PNLIPRP3: variants seen among roughly 807,000 people sequenced by gnomAD.
The protein encoded by PNLIPRP3 is pancreatic lipase-related protein 3.
In PNLIPRP3, 58 loss-of-function variants were observed where a neutral mutation model predicts 52.8. That is an observed-to-expected ratio of 1.10 (90% CI 0.89 to 1.37). The LOEUF (loss-of-function observed/expected upper bound fraction) is 1.37, where lower values mean the gene tolerates loss of function less well. PNLIPRP3 is among the 40% of genes most tolerant of loss of function. PNLIPRP3 has a pLI of 0.00. For synonymous variants in PNLIPRP3, 192 were observed against 185.0 expected (o/e 1.04, Z -0.31); for missense variants, 593 against 561.6 (o/e 1.06, Z -0.57).
At chr10:116,470,512 TAA>T (rs1846351944) in intron 9 of PNLIPRP3, among the ~76,000 whole-genome samples, 1 of 48,598 alleles carries the variant, frequency 2.1e-5, no homozygotes, top group Non-Finnish European at 4.1e-5. Context: ...TATATATATA[TAA>T]TTTTTTTTTT....
chr10:116,455,782 C>T lies in PNLIPRP3; in HGVS notation c.517C>T (p.Leu173=), dbSNP rs144686516. The change falls in exon 5 of 12, where the codon CTG becomes TTG. Residue 173 remains leucine, a synonymous_variant. Coordinates refer to ENST00000369230, the MANE Select transcript of PNLIPRP3 (RefSeq NM_001011709.3). ...GATTGGCCACAGCTTGGGAGCACAC[C>T]TGGCTGGGGAAGCTGGGTCAAGGAT... is the stretch of plus-strand genomic sequence containing the variant. The part of the protein sequence containing the change: ...HLIGHSLGAH[L]AGEAGSRIPG... 3.3e-4 allele frequency: 540 copies of T among 1,613,722 alleles called. 1 individual carries two copies. Among genetic ancestry groups the T allele is most frequent in the Non-Finnish European group, 4.3e-4 (513 of 1,179,840 alleles).
chr10:116,471,481 C>G (rs1160004893), intron 9 of PNLIPRP3, among the ~76,000 whole-genome samples: 3 of 152,038 alleles, frequency 2.0e-5, no homozygotes, highest in Admixed American at 1.3e-4. Context: ...CACAGGACTT[C>G]CATTTTTAAA....
chr10:116,428,173 T>A, intron 1 of PNLIPRP3, 112 bp downstream of exon 1: 1 of 760,024 alleles, frequency 1.3e-6, no homozygotes, highest in Non-Finnish European at 2.1e-6. Flanking sequence ...ATTTCATTCT[T>A]AAGTAGTTTA....
chr10:116,461,868 G>T (rs149023820), intron 7 of PNLIPRP3, among the ~76,000 whole-genome samples: 1 of 152,148 alleles, frequency 6.6e-6, no homozygotes, highest in Admixed American at 6.5e-5. Flanking sequence ...AGGCCAACAG[G>T]GGGAAGCAAG....
chr10:116,467,916 G>C (rs942066663), intron 8 of PNLIPRP3, among the ~76,000 whole-genome samples: 2 of 151,916 alleles, frequency 1.3e-5, no homozygotes, highest in East Asian at 1.9e-4. Flanking sequence ...ACTAGGTCAG[G>C]AGATCGAGAC....
At chr10:116,447,052 G>A (rs762241932) in intron 4 of PNLIPRP3, among the ~76,000 whole-genome samples, 20 of 152,138 alleles carry the variant, frequency 1.3e-4, no homozygotes, top group Non-Finnish European at 2.2e-4. Context: ...AGTCACTATA[G>A]CCCCTTCCCC....
chr10:116,436,729 A>G lies in PNLIPRP3; in HGVS notation c.68A>G (p.Glu23Gly). The change falls in exon 2 of 12, where the codon GAA (glutamate) becomes GGA (glycine). Residue 23 changes from glutamate to glycine, a missense_variant. Transcript: ENST00000369230. ...GCTGCAGGAAAAGAAGTTTGCTATG[A>G]AAGGTTAGGGTGTTTCAAAGATGGT... is the stretch of plus-strand genomic sequence containing the variant. ...GTSRGKEVCY[E>G]RLGCFKDGLP... 3 of 1,609,426 alleles carry G rather than the reference A, an allele frequency of 1.9e-6. No individual in the cohort carries two copies. The highest frequency in any genetic ancestry group is 2.2e-5 in the South Asian group (2 of 90,330).
At chr10:116,440,333 G>A (rs1845840357) in intron 2 of PNLIPRP3, among the ~76,000 whole-genome samples, 1 of 152,122 alleles carries the variant, frequency 6.6e-6, no homozygotes, top group African/African-American at 2.4e-5. Flanking sequence ...TACTGCCAAT[G>A]AAGAGAAAAT....
intron 4 of PNLIPRP3, among the ~76,000 whole-genome samples, chr10:116,454,716 T>C (rs1307610176): frequency 6.6e-6 from 1 of 152,238 alleles, no homozygotes; most frequent in African/African-American, 2.4e-5. Flanking sequence ...ATGTCTTCCA[T>C]GTTGTCACAA....
intron 2 of PNLIPRP3, among the ~76,000 whole-genome samples, chr10:116,441,250 G>A (rs1430755011): frequency 2.0e-5 from 3 of 152,140 alleles, no homozygotes; most frequent in East Asian, 1.9e-4. Flanking sequence ...CAGCATACCT[G>A]GATGGAAAAC....
At chr10:116,447,474 C>T (rs952062637) in intron 4 of PNLIPRP3, among the ~76,000 whole-genome samples, 1 of 152,022 alleles carries the variant, frequency 6.6e-6, no homozygotes, top group East Asian at 1.9e-4. Flanking sequence ...AGAAACTAAC[C>T]CTAATGAAAC....
At chr10:116,439,488 C>T in intron 2 of PNLIPRP3, 1 of 724,766 alleles carries the variant, frequency 1.4e-6, no homozygotes, top group Non-Finnish European at 2.5e-6. Flanking sequence ...TTCTTCCTCC[C>T]CGTCTTCTTC....
chr10:116,429,599 A>T (rs1027571725), intron 1 of PNLIPRP3, among the ~76,000 whole-genome samples: 1 of 152,218 alleles, frequency 6.6e-6, no homozygotes, highest in African/African-American at 2.4e-5. Context: ...TGGATAAAAA[A>T]TGAAGGAGAT....
chr10:116,470,421 G>C (rs1258885997), intron 9 of PNLIPRP3, among the ~76,000 whole-genome samples: 1 of 151,930 alleles, frequency 6.6e-6, no homozygotes, highest in Non-Finnish European at 1.5e-5. Flanking sequence ...AGAGAAGGAA[G>C]ACCAGCAAAG....
At chr10:116,460,941 C>A in intron 5 of PNLIPRP3, 25 bp from the exon 6 acceptor site, 1 of 1,608,362 alleles carries the variant, frequency 6.2e-7, no homozygotes, top group Non-Finnish European at 8.5e-7. Flanking sequence ...TTCCATAGAA[C>A]ATGTCTTGGT....
chr10:116,477,924 T>A lies in PNLIPRP3; in HGVS notation c.*771T>A, dbSNP rs369546503. 3.3e-5 allele frequency: 5 copies of A among 152,334 alleles called. No individual in the cohort carries two copies. The East Asian group carries it at 7.7e-4, about 24-fold the overall frequency. 9.4% of individuals were successfully genotyped at this position (152,334 alleles called of 1,614,324 possible). ...ATTTGTAAAGCACTTGGGTAACCCTTTGTTCTTGCAATAACAATATTATAA... is the reference window on the plus strand; with the variant it reads ...ATTTGTAAAGCACTTGGGTAACCCTATGTTCTTGCAATAACAATATTATAA... On this transcript the variant is annotated 3_prime_UTR_variant, in exon 12 of 12. Transcript: ENST00000369230.
chr10:116,430,290 G>A (rs915884535), intron 1 of PNLIPRP3, among the ~76,000 whole-genome samples: 4 of 152,066 alleles, frequency 2.6e-5, no homozygotes, highest in Admixed American at 1.3e-4. Flanking sequence ...AGGTTTGGTG[G>A]GCATGAAGAT....
Position 116,439,729 on chromosome 10 carries a change from A to G in PNLIPRP3, c.204+2864A>G, listed in dbSNP as rs879250099. On this transcript the variant is annotated intron_variant, in intron 2 of 11. Transcript: ENST00000369230. ...GTTTGTGGATTTGATCTAGGCGCAGAATTCTGAACAGAACAGGAAGAATCC... is the reference window on the plus strand; with the variant it reads ...GTTTGTGGATTTGATCTAGGCGCAGGATTCTGAACAGAACAGGAAGAATCC... The G allele has an allele frequency of 1.0e-4, 77 of 769,556 alleles. 1 individual carries two copies. Among genetic ancestry groups the G allele is most frequent in the South Asian group, 9.9e-4 (73 of 73,640 alleles). The allele number at this position is 769,556 out of a possible 1,614,324, so 47.7% of individuals were successfully genotyped here. A position where few individuals can be genotyped will look rare whatever the true frequency, so the allele number is the denominator to read the frequency against.
chr10:116,460,662 C>G (rs569654630), intron 5 of PNLIPRP3, among the ~76,000 whole-genome samples: 2 of 152,150 alleles, frequency 1.3e-5, no homozygotes, highest in South Asian at 2.1e-4. Context: ...TTTCAAGAAC[C>G]TTTGTAATTC....
Sources: gnomAD v4.1 joint callset for allele counts (sites outside exome capture counted in the v4.1 genomes callset) on GRCh38, gnomAD v4.1.1 for gene constraint, MANE v1.5 for transcripts, NCBI Gene and HGNC (gene_info 2026-07-23, HGNC 2026-07-21) for gene names.